PDE4B: variants seen among roughly 807,000 people sequenced by gnomAD.
PDE4B encodes the protein 3',5'-cyclic-AMP phosphodiesterase 4B.
In PDE4B, 20 loss-of-function variants were observed where a neutral mutation model predicts 82.2. The ratio of observed to expected loss-of-function variants is 0.24; its 90% confidence interval spans 0.17 to 0.35. PDE4B has a LOEUF of 0.35. Among genes scored for constraint, PDE4B ranks in the 10% least tolerant of loss-of-function variants. The pLI, the probability that PDE4B is intolerant of heterozygous loss-of-function variation, is 1.00. For missense variants in PDE4B, 655 were observed against 907.2 expected (o/e 0.72, Z 3.57); for synonymous variants, 320 against 318.9 (o/e 1.00, Z -0.04).
chr1:65,946,847 A>G (rs910580026), intron 3 of PDE4B, among the ~76,000 whole-genome samples: 2 of 151,974 alleles, frequency 1.3e-5, no homozygotes, highest in African/African-American at 2.4e-5. Context: ...TCTCAAGTGT[A>G]TTATATGTTG....
chr1:66,003,120 G>A (rs1401973509), intron 3 of PDE4B, among the ~76,000 whole-genome samples: 1 of 152,018 alleles, frequency 6.6e-6, no homozygotes, highest in Non-Finnish European at 1.5e-5. Flanking sequence ...ATTTGGAAGA[G>A]TCAAAGTGCA....
At chr1:65,877,325 G>A (rs1646656277) in intron 1 of PDE4B, among the ~76,000 whole-genome samples, 1 of 152,098 alleles carries the variant, frequency 6.6e-6, no homozygotes, top group African/African-American at 2.4e-5. Context: ...TTTAATAAAT[G>A]GTGCTGGGGG....
chr1:66,082,641 AAT>A (rs67481716), intron 3 of PDE4B, among the ~76,000 whole-genome samples: 36,863 of 147,614 alleles, frequency 0.25, 4,919 homozygotes, highest in Middle Eastern at 0.38. Context: ...GGATTGAAAT[AAT>A]ATATATATAT....
At chr1:66,182,066 T>C (rs940224278) in intron 3 of PDE4B, among the ~76,000 whole-genome samples, 7 of 152,226 alleles carry the variant, frequency 4.6e-5, no homozygotes, top group African/African-American at 1.7e-4. Context: ...AGTCAGTAAA[T>C]AATATGTTAT....
intron 3 of PDE4B, among the ~76,000 whole-genome samples, chr1:65,967,971 A>G (rs1201994812): frequency 6.6e-6 from 1 of 152,158 alleles, no homozygotes; most frequent in East Asian, 1.9e-4. Flanking sequence ...TACCTATGTA[A>G]CAAACCTGCA....
At chr1:66,212,264 C>T (rs1485394730) in intron 3 of PDE4B, among the ~76,000 whole-genome samples, 1 of 152,220 alleles carries the variant, frequency 6.6e-6, no homozygotes, top group Non-Finnish European at 1.5e-5. Context: ...CTCTCATAAC[C>T]TAAGTAAAGG....
intron 3 of PDE4B, among the ~76,000 whole-genome samples, chr1:66,173,524 T>C (rs1332205109): frequency 2.6e-5 from 4 of 152,220 alleles, no homozygotes; most frequent in Non-Finnish European, 2.9e-5. Flanking sequence ...CCTATAGTCT[T>C]TGAGGTGGCC....
intron 1 of PDE4B, among the ~76,000 whole-genome samples, chr1:65,830,270 A>T (rs1362384788): frequency 1.3e-5 from 2 of 152,170 alleles, no homozygotes; most frequent in Non-Finnish European, 2.9e-5. Flanking sequence ...AAATTGAAGG[A>T]GACCAACCTT....
chr1:66,101,959 C>G (rs937462049), intron 3 of PDE4B, among the ~76,000 whole-genome samples: 2 of 152,120 alleles, frequency 1.3e-5, no homozygotes, highest in African/African-American at 2.4e-5. Flanking sequence ...AGTTTTTATG[C>G]TTTTAGTTCT....
intron 3 of PDE4B, among the ~76,000 whole-genome samples, chr1:66,091,179 A>G (rs1570205675): frequency 6.6e-6 from 1 of 152,166 alleles, no homozygotes; most frequent in East Asian, 1.9e-4. Context: ...GGTTTAAAAA[A>G]AAGTGACCGT....
At chr1:66,244,297 A>G (rs545812704) in intron 3 of PDE4B, among the ~76,000 whole-genome samples, 9 of 152,270 alleles carry the variant, frequency 5.9e-5, no homozygotes, top group East Asian at 3.9e-4. Flanking sequence ...TCTTTTCTCT[A>G]TTGTCTACGT....
rs573648836 is a variant in PDE4B, at chr1:65,889,002, C to T, written c.-70-24243C>T. Reference sequence around the variant, plus strand: ...AATAGGAGCAGTGAGAGTGGGCATCCTTGTCTTGTTCCAGCTTTTAGAGAG... The same window carrying T: ...AATAGGAGCAGTGAGAGTGGGCATCTTTGTCTTGTTCCAGCTTTTAGAGAG... On this transcript the variant is annotated intron_variant, in intron 1 of 16. Coordinates refer to ENST00000341517, the MANE Select transcript of PDE4B (RefSeq NM_002600.4). 5.3e-5 allele frequency among the ~76,000 whole-genome samples: 8 copies of T among 152,202 alleles called. No individual in the cohort carries two copies. In the East Asian group the frequency reaches 1.5e-3, roughly 29 times the overall value.
chr1:66,153,768 A>G (rs1450406760), intron 3 of PDE4B, among the ~76,000 whole-genome samples: 2 of 152,124 alleles, frequency 1.3e-5, no homozygotes, highest in Admixed American at 6.5e-5. Context: ...CCTTACCTCA[A>G]TACTCCTACA....
chr1:66,002,954 A>G (rs1217615301), intron 3 of PDE4B, among the ~76,000 whole-genome samples: 1 of 152,226 alleles, frequency 6.6e-6, no homozygotes, highest in Non-Finnish European at 1.5e-5. Flanking sequence ...CAGTACTTCA[A>G]GCATTATAAG....
At position 65,958,704 on chromosome 1, in the gene PDE4B, A is replaced by G. The variant is rs560821382; in HGVS notation, c.281+39869A>G. ...TTCTAATAATGTGTCCATTTTGACT[A>G]AGTTTTTTAGTATGTTGGTATAATG... On this transcript the variant is annotated intron_variant, in intron 3 of 16. Coordinates refer to ENST00000341517, the MANE Select transcript of PDE4B (RefSeq NM_002600.4). 2.6e-5 allele frequency among the ~76,000 whole-genome samples: 4 copies of G among 151,744 alleles called. No individual in the cohort carries two copies. In the South Asian group the frequency reaches 8.3e-4, roughly 31 times the overall value.
At chr1:65,912,078 C>A (rs1433908459) in intron 1 of PDE4B, among the ~76,000 whole-genome samples, 1 of 152,048 alleles carries the variant, frequency 6.6e-6, no homozygotes, top group East Asian at 1.9e-4. Context: ...AGCTCAGCAA[C>A]AATACAGGAT....
At chr1:66,088,905 C>T (rs1644954593) in intron 3 of PDE4B, among the ~76,000 whole-genome samples, 1 of 152,018 alleles carries the variant, frequency 6.6e-6, no homozygotes, top group South Asian at 2.1e-4. Flanking sequence ...TTTTCTGCAT[C>T]TGCAGCCTTG....
At chr1:66,239,064 ATTGATC>A (rs1375919120) in intron 3 of PDE4B, among the ~76,000 whole-genome samples, 1 of 152,204 alleles carries the variant, frequency 6.6e-6, no homozygotes, top group South Asian at 2.1e-4. Flanking sequence ...CATTTCCCTA[ATTGATC>A]TTGAGCTATT....
intron 16 of PDE4B, among the ~76,000 whole-genome samples, chr1:66,369,493 G>C (rs991515388): frequency 2.0e-5 from 3 of 152,220 alleles, no homozygotes; most frequent in African/African-American, 4.8e-5. Context: ...TTCTGGTTGT[G>C]TCCAAAGCAA....
Sources: allele counts gnomAD v4.1 joint callset (sites outside exome capture counted in the v4.1 genomes callset), GRCh38; gene constraint gnomAD v4.1.1; transcripts MANE v1.5; gene names NCBI Gene and HGNC (gene_info 2026-07-23, HGNC 2026-07-21).